MVP: variants seen among roughly 807,000 people sequenced by gnomAD.
MVP encodes lung resistance-related protein.
Under a neutral mutation model 83.5 loss-of-function variants are expected in MVP, and 62 were observed. The ratio of observed to expected loss-of-function variants is 0.74; its 90% CI spans 0.61 to 0.92. The LOEUF is 0.92. Ranked by LOEUF, MVP falls within the 40% of genes least tolerant of loss-of-function variation. The pLI is 0.00. For missense variants in MVP, 1,000 were observed against 1,203.4 expected (o/e 0.83, Z 2.50); for synonymous variants, 505 against 504.1 (o/e 1.00, Z -0.02).
chr16:29,830,314 A>T, intron 1 of MVP: 1 of 433,828 alleles, frequency 2.3e-6, no homozygotes, highest in African/African-American at 2.0e-5. Flanking sequence ...TTCTTGGCAA[A>T]GGTAAGGTCA....
intron 10 of MVP, among the ~76,000 whole-genome samples, chr16:29,843,716 G>A (rs939204852): frequency 1.3e-5 from 2 of 151,928 alleles, no homozygotes; most frequent in South Asian, 4.1e-4. Flanking sequence ...GTGAATCCCT[G>A]TCTCTACTAA....
intron 10 of MVP, among the ~76,000 whole-genome samples, chr16:29,843,970 G>T (rs1363051203): frequency 6.6e-6 from 1 of 152,000 alleles, no homozygotes; most frequent in Admixed American, 6.6e-5. Context: ...CCTGATGGCG[G>T]CAGACAGCTG....
intron 10 of MVP, 145 bp from the exon 11 acceptor site, chr16:29,844,348 C>T (rs2067562514): frequency 6.6e-6 from 7 of 1,060,394 alleles, no homozygotes; most frequent in Non-Finnish European, 8.0e-6. Context: ...CATGTAGTCC[C>T]AGCACTTTGG....
At chr16:29,835,632 A>G in intron 5 of MVP, 72 bp from the exon 6 acceptor site, 1 of 1,276,484 alleles carries the variant, frequency 7.8e-7, no homozygotes, top group Non-Finnish European at 1.1e-6. Context: ...CCCTGTGTCT[A>G]AGCTGTGGGG....
intron 1 of MVP, among the ~76,000 whole-genome samples, chr16:29,826,712 A>G (rs369295078): frequency 6.6e-6 from 1 of 151,694 alleles, no homozygotes; most frequent in East Asian, 1.9e-4. Flanking sequence ...CACAAGGTCA[A>G]GAGATCAAGA....
chr16:29,836,827 G>A lies in MVP; in HGVS notation c.778G>A (p.Val260Met), dbSNP rs754654323. The A allele has an allele frequency of 5.6e-6, 9 of 1,613,792 alleles. No homozygotes were observed. The highest frequency in any genetic ancestry group is 1.7e-5 in the Admixed American group (1 of 59,994). Residue 260 changes from valine to methionine, a missense_variant, in exon 7 of 15, where the codon GTG becomes ATG. Physicochemically the swap from Val to Met is conservative, Grantham distance 21. Coordinates refer to ENST00000357402, the MANE Select transcript of MVP (RefSeq NM_005115.5). ...LVTVQDTEAH[V>M]PDVHEEVLGV... ...AACAGTGCAGGACACAGAGGCCCAC[G>A]TGCCAGATGTCCACGAGGAGGTGCT... is the stretch of plus-strand genomic sequence containing the variant.
intron 1 of MVP, among the ~76,000 whole-genome samples, chr16:29,823,922 C>T (rs942501038): frequency 8.6e-5 from 13 of 151,642 alleles, no homozygotes; most frequent in South Asian, 4.2e-4. Flanking sequence ...ATAGAATCAC[C>T]GGAGATGGGT....
intron 8 of MVP, 80 bp downstream of exon 8, chr16:29,840,539 T>G (rs1596924018): frequency 6.8e-7 from 1 of 1,472,660 alleles, no homozygotes; most frequent in South Asian, 1.3e-5. Flanking sequence ...GTGGAAGAGG[T>G]GGGCAGGGAC....
intron 3 of MVP, chr16:29,831,838 T>G: frequency 2.4e-6 from 1 of 412,362 alleles, no homozygotes; most frequent in South Asian, 1.7e-5. Context: ...CTTGTCCCCG[T>G]TGGCCTCAGG....
chr16:29,831,460 G>A (rs930985118), intron 3 of MVP, among the ~76,000 whole-genome samples: 5 of 151,772 alleles, frequency 3.3e-5, no homozygotes, highest in East Asian at 1.9e-4. Flanking sequence ...GGCCTGTACC[G>A]AGTTCTAAAG....
Position 29,836,834 on chromosome 16 carries a change from A to T in MVP, c.785A>T (p.Asp262Val). The T allele has an allele frequency of 1.2e-6, 2 of 1,613,900 alleles. No individual in the cohort carries two copies. Among genetic ancestry groups the T allele is most frequent in the Non-Finnish European group, 1.7e-6 (2 of 1,179,966 alleles). Reference sequence around the variant, plus strand: ...CAGGACACAGAGGCCCACGTGCCAGATGTCCACGAGGAGGTGCTGGGGGTT... The same window carrying T: ...CAGGACACAGAGGCCCACGTGCCAGTTGTCCACGAGGAGGTGCTGGGGGTT... ...TVQDTEAHVP[D>V]VHEEVLGVVP... The change falls in exon 7 of 15, where the codon GAT (aspartate) becomes GTT (valine). Residue 262 changes from aspartate (D) to valine (V), a missense_variant. Transcript: ENST00000357402.
At chr16:29,824,233 A>G (rs1002120793) in intron 1 of MVP, among the ~76,000 whole-genome samples, 5 of 148,218 alleles carry the variant, frequency 3.4e-5, no homozygotes, top group Admixed American at 6.7e-5. Context: ...AAAAAAAAAA[A>G]AAAAAAAACA....
intron 3 of MVP, among the ~76,000 whole-genome samples, chr16:29,832,909 A>G (rs1174932297): frequency 6.6e-6 from 1 of 151,964 alleles, no homozygotes; most frequent in African/African-American, 2.4e-5. Context: ...TACTAAACAT[A>G]CAACAATTAG....
Position 29,841,700 on chromosome 16 carries a change from C to T in MVP, c.1296C>T (p.Asp432=), listed in dbSNP as rs754855939. ...AGGAGCTGCTGAACAAGGGGCAGGA[C>T]CCTCTGGCAGACAGGGGTGAGAAGG... ...GVEELLNKGQ[D]PLADRGEKDT... The change falls in exon 9 of 15, where the codon GAC becomes GAT. Residue 432 remains aspartate, a synonymous_variant. Coordinates refer to ENST00000357402, the MANE Select transcript of MVP (RefSeq NM_005115.5). The surrounding 1 kb of genome is among the most constrained non-coding windows in gnomAD (Gnocchi z 4.7). The T allele has an allele frequency of 6.2e-7, 1 of 1,612,402 alleles. No individual in the cohort carries two copies. Among genetic ancestry groups the T allele is most frequent in the South Asian group, 1.1e-5 (1 of 90,678 alleles).
At chr16:29,833,895 A>T (rs761471859) in intron 4 of MVP, 39 bp downstream of exon 4, 1 of 1,614,102 alleles carries the variant, frequency 6.2e-7, no homozygotes, top group South Asian at 1.1e-5. Flanking sequence ...CCTTCCTGTC[A>T]TAGCCCTGAT....
chr16:29,822,516 A>G (rs1275230373), intron 1 of MVP: 2 of 152,096 alleles, frequency 1.3e-5, no homozygotes, highest in Non-Finnish European at 2.9e-5. Flanking sequence ...TGTTTATACC[A>G]AACTTCATGT....
In MVP at chr16:29,840,259, G is replaced by C. The variant is rs780684041; in HGVS notation, c.991G>C (p.Gly331Arg). The change falls in exon 8 of 15, where the codon GGG becomes CGG. Residue 331 changes from glycine to arginine, a missense_variant. Transcript: ENST00000357402. ...TGTGTATGTGCTGTCGGAGCAGCAG[G>C]GGCTGCTGCTGAGGGCCCTGCAGCC... Reference protein sequence around the residue: ...QDVYVLSEQQGLLLRALQPLE... With the variant: ...QDVYVLSEQQRLLLRALQPLE... 2 of 1,613,778 alleles carry C rather than the reference G, an allele frequency of 1.2e-6. No individual in the cohort carries two copies. Among genetic ancestry groups the C allele is most frequent in the Non-Finnish European group, 1.7e-6 (2 of 1,179,922 alleles).
Position 29,830,990 on chromosome 16 carries a change from C to T in MVP, c.238C>T (p.Gln80Ter). Residue 80 changes from glutamine (Q) to a stop codon, truncating the protein, a stop_gained, in exon 3 of 15, where the codon CAA becomes TAA. Coordinates refer to ENST00000357402, the MANE Select transcript of MVP (RefSeq NM_005115.5). LOFTEE classifies it high-confidence loss of function. ...CTTGGTGCTGTTTGATGTCACAGGGCAAGTTCGGCTTCGCCACGCTGACCT... is the reference window on the plus strand; with the variant it reads ...CTTGGTGCTGTTTGATGTCACAGGGTAAGTTCGGCTTCGCCACGCTGACCT... ...QGLVLFDVTG[Q>*]VRLRHADLEI... 1 of 1,614,010 alleles carries T rather than the reference C, an allele frequency of 6.2e-7. No individual in the cohort carries two copies. Among genetic ancestry groups the T allele is most frequent in the Non-Finnish European group, 8.5e-7 (1 of 1,179,990 alleles).
intron 5 of MVP, 38 bp from the exon 6 acceptor site, chr16:29,835,665 TG>T: frequency 1.3e-6 from 2 of 1,570,642 alleles, no homozygotes; most frequent in Non-Finnish European, 1.7e-6. Context: ...GGGAGCAGGC[TG>T]GGGGGCCCTT....
Sources: gnomAD v4.1 joint callset for allele counts (sites outside exome capture counted in the v4.1 genomes callset) on GRCh38, gnomAD v4.1.1 for gene constraint, Gnocchi (gnomAD v3.1) non-coding constraint, MANE v1.5 for transcripts, NCBI Gene and HGNC (gene_info 2026-07-23, HGNC 2026-07-21) for gene names.